SGPL1: variants seen among roughly 807,000 people sequenced by gnomAD.
The protein encoded by SGPL1 is SP-lyase 1.
A neutral mutation model predicts 68.9 loss-of-function variants in SGPL1; 37 were observed. The ratio of observed to expected loss-of-function variants is 0.54; its 90% CI spans 0.41 to 0.71. SGPL1 has a LOEUF of 0.71. SGPL1 is among the 30% of genes least tolerant of loss of function. The probability of loss-of-function intolerance (pLI) is 0.00; values close to 1 mark genes in which losing one functional copy is unlikely to be tolerated. For synonymous variants in SGPL1, 236 were observed against 248.5 expected (o/e 0.95, Z 0.47); for missense variants, 551 against 704.6 (o/e 0.78, Z 2.47).
intron 7 of SGPL1, among the ~76,000 whole-genome samples, chr10:70,859,925 C>G (rs1846022727): frequency 6.6e-6 from 1 of 152,188 alleles, no homozygotes; most frequent in Non-Finnish European, 1.5e-5. Flanking sequence ...TCATCCCCCA[C>G]CTGCATACCT....
At chr10:70,868,167 CA>C (rs1846226916) in intron 7 of SGPL1, among the ~76,000 whole-genome samples, 177 bp from the exon 8 acceptor site, 1 of 152,166 alleles carries the variant, frequency 6.6e-6, no homozygotes, top group Admixed American at 6.5e-5. Flanking sequence ...TCACCTGAGC[CA>C]AAATTAGGCT....
chr10:70,846,786 A>G (rs1845799032), intron 3 of SGPL1, among the ~76,000 whole-genome samples: 1 of 152,256 alleles, frequency 6.6e-6, no homozygotes, highest in African/African-American at 2.4e-5. Flanking sequence ...TAATTGGCAA[A>G]TAAACATTGT....
rs1014226307 is a variant in SGPL1, at chr10:70,831,222, C to G, written c.28-13251C>G. ...GTAGGGAAAAACTCTCTCCTCTACT[C>G]TCACACCACAACAATCAACACCGAA... On this transcript the variant is annotated intron_variant, in intron 2 of 14. Transcript: ENST00000373202. Among the ~76,000 whole-genome samples, 11 of 152,200 alleles carry G rather than the reference C, an allele frequency of 7.2e-5. 1 individual carries two copies. Among genetic ancestry groups the G allele is most frequent in the Admixed American group, 5.2e-4 (8 of 15,288 alleles).
At chr10:70,867,488 G>A (rs1846214708) in intron 7 of SGPL1, among the ~76,000 whole-genome samples, 1 of 151,990 alleles carries the variant, frequency 6.6e-6, no homozygotes, top group Non-Finnish European at 1.5e-5. Context: ...GCTTGAACCA[G>A]GAGGCAAAGG....
chr10:70,868,223 C>G, intron 7 of SGPL1, 122 bp from the exon 8 acceptor site: 2 of 703,256 alleles, frequency 2.8e-6, no homozygotes, highest in South Asian at 4.4e-5. Flanking sequence ...ATGGCAGTGT[C>G]TGCCTTGCAG....
intron 2 of SGPL1, among the ~76,000 whole-genome samples, chr10:70,821,782 G>C (rs1296299910): frequency 2.0e-5 from 3 of 152,104 alleles, no homozygotes; most frequent in Non-Finnish European, 4.4e-5. Flanking sequence ...CATATGGGTG[G>C]GGGAGTGATT....
intron 2 of SGPL1, among the ~76,000 whole-genome samples, chr10:70,843,111 T>C (rs1346058593): frequency 6.6e-6 from 1 of 152,244 alleles, no homozygotes; most frequent in Non-Finnish European, 1.5e-5. Context: ...TTCATCCTTT[T>C]AACCAGCTTA....
intron 3 of SGPL1, 69 bp from the exon 4 acceptor site, chr10:70,851,074 A>G: frequency 8.3e-7 from 1 of 1,210,998 alleles, no homozygotes; most frequent in Non-Finnish European, 1.2e-6. Context: ...GACACATTGA[A>G]TGGTTGCTAT....
chr10:70,846,583 A>G (rs1168031584), intron 3 of SGPL1, among the ~76,000 whole-genome samples: 1 of 152,162 alleles, frequency 6.6e-6, no homozygotes, highest in Non-Finnish European at 1.5e-5. Flanking sequence ...ACATCAAATA[A>G]TAACTGCCCA....
chr10:70,835,687 G>C (rs1845616437), intron 2 of SGPL1, among the ~76,000 whole-genome samples: 2 of 143,758 alleles, frequency 1.4e-5, no homozygotes, highest in South Asian at 4.4e-4. Flanking sequence ...AGTGAACCAA[G>C]ATTGCACCAC....
chr10:70,846,701 A>T (rs1170735905), intron 3 of SGPL1, among the ~76,000 whole-genome samples: 1 of 152,224 alleles, frequency 6.6e-6, no homozygotes, highest in Non-Finnish European at 1.5e-5. Context: ...CTAAGCTTAG[A>T]GATCTGAGAT....
chr10:70,832,802 T>G (rs1845566422), intron 2 of SGPL1, among the ~76,000 whole-genome samples: 1 of 152,216 alleles, frequency 6.6e-6, no homozygotes, highest in South Asian at 2.1e-4. Flanking sequence ...TGCCTTAGGC[T>G]GGGAGTCTAT....
intron 2 of SGPL1, among the ~76,000 whole-genome samples, chr10:70,829,507 G>A (rs1778281948): frequency 6.6e-6 from 1 of 152,110 alleles, no homozygotes; most frequent in Non-Finnish European, 1.5e-5. Flanking sequence ...TTTATTATCT[G>A]CAGTCATTTT....
intron 2 of SGPL1, among the ~76,000 whole-genome samples, chr10:70,827,849 A>C (rs927766865): frequency 6.6e-6 from 1 of 152,140 alleles, no homozygotes; most frequent in African/African-American, 2.4e-5. Flanking sequence ...GGTTTTGCTT[A>C]GTTTTGCTGA....
rs1008687985 is a variant in SGPL1 at position 70,878,199 on chromosome 10, C to G, written c.*864C>G. On this transcript the variant is annotated 3_prime_UTR_variant, in exon 15 of 15. Coordinates refer to ENST00000373202, the MANE Select transcript of SGPL1 (RefSeq NM_003901.4). The stretch of plus-strand genomic sequence containing the variant: ...TGCAACTCATTTTCTTTTTCCAGGG[C>G]ACAGATCGACCAAGCTGCCGTTCCC... The G allele has an allele frequency of 6.6e-6, 1 of 152,272 alleles. No homozygotes were observed. Among genetic ancestry groups the G allele is most frequent in the Non-Finnish European group, 1.5e-5 (1 of 68,132 alleles). The allele number at this position is 152,272 out of a possible 1,614,324, so 9.4% of individuals were successfully genotyped here. A position where few individuals can be genotyped will look rare whatever the true frequency, so the allele number is the denominator to read the frequency against.
At chr10:70,867,562 A>C (rs1323995291) in intron 7 of SGPL1, among the ~76,000 whole-genome samples, 1 of 115,672 alleles carries the variant, frequency 8.6e-6, no homozygotes, top group Non-Finnish European at 1.8e-5. Flanking sequence ...ACTCTGTCTC[A>C]AAAAAAAAAA....
At position 70,877,359 on chromosome 10, in the gene SGPL1, G is replaced by T; in HGVS notation, c.*24G>T. 18 of 1,613,234 alleles carry T rather than the reference G, an allele frequency of 1.1e-5. No individual in the cohort carries two copies. The highest frequency in any genetic ancestry group is 1.5e-5 in the Non-Finnish European group (18 of 1,179,226). On this transcript the variant is annotated 3_prime_UTR_variant, in exon 15 of 15. Coordinates refer to ENST00000373202, the MANE Select transcript of SGPL1 (RefSeq NM_003901.4). ...GAACTTGGACCCTTTCTAGTCTCAA[G>T]GGGATTCCAGCCTTCAGAAGGTTCT...
chr10:70,817,064 G>C (rs1226070392), intron 2 of SGPL1, among the ~76,000 whole-genome samples, 184 bp downstream of exon 2: 1 of 152,240 alleles, frequency 6.6e-6, no homozygotes, highest in African/African-American at 2.4e-5. Flanking sequence ...CTGTTGCCCA[G>C]ACTGGGGTGC....
chr10:70,872,950 A>T (rs979708758), intron 11 of SGPL1, among the ~76,000 whole-genome samples: 1 of 152,214 alleles, frequency 6.6e-6, no homozygotes, highest in Non-Finnish European at 1.5e-5. Context: ...AAAGATGGGA[A>T]GGGGGTCAGA....
Sources: allele counts gnomAD v4.1 joint callset (sites outside exome capture counted in the v4.1 genomes callset), GRCh38; gene constraint gnomAD v4.1.1; transcripts MANE v1.5; gene names NCBI Gene and HGNC (gene_info 2026-07-23, HGNC 2026-07-21).